The following PRKN variants were observed in gnomAD, a reference collection of about 807,000 sequenced individuals.
PRKN encodes the protein parkin RBR E3 ubiquitin protein ligase.
In PRKN, 56 loss-of-function variants were observed where a neutral mutation model predicts 59.5. That is an observed-to-expected ratio of 0.94 (90% CI 0.76 to 1.18). The LOEUF is 1.18. PRKN is among the 50% of genes most tolerant of loss of function. PRKN has a pLI of 0.00. For missense variants in PRKN, 657 were observed against 596.4 expected, an observed-to-expected ratio of 1.10 and a Z score of -1.06; for synonymous variants, 250 against 222.1, an observed-to-expected ratio of 1.13 and a Z score of -1.12.
intron 1 of PRKN, among the ~76,000 whole-genome samples, chr6:162,686,078 C>CTACA (rs1268810947): frequency 1.3e-5 from 2 of 151,976 alleles, no homozygotes; most frequent in East Asian, 3.9e-4. Flanking sequence ...GATGTGGTGG[C>CTACA]TACAGCAACA....
intron 6 of PRKN, among the ~76,000 whole-genome samples, chr6:161,972,490 C>T (rs748406878): frequency 1.6e-4 from 24 of 152,222 alleles, no homozygotes; most frequent in South Asian, 8.3e-4. Flanking sequence ...GCTCCTACAC[C>T]GCAATTCGTA....
Position 161,738,646 on chromosome 6 carries a change from T to C in PRKN, c.871+47126A>G, listed in dbSNP as rs138433474. Among the ~76,000 whole-genome samples, 3 of 152,190 alleles carry C rather than the reference T, an allele frequency of 2.0e-5. No individual in the cohort carries two copies. The East Asian group carries it at 5.8e-4, about 30-fold the overall frequency. ...GGTACCAAGTAGGGTAGATGACAAC[T>C]AGTGTGTGTGGTCACCAGGTGTAGA... is the stretch of plus-strand genomic sequence containing the variant. On this transcript the variant is annotated intron_variant, in intron 7 of 11. Transcript: ENST00000366898.
At chr6:161,993,902 C>T (rs996342771) in intron 5 of PRKN, among the ~76,000 whole-genome samples, 1 of 152,104 alleles carries the variant, frequency 6.6e-6, no homozygotes, top group African/African-American at 2.4e-5. Context: ...AGGTGCCAGG[C>T]TCTTTTTTAA....
intron 3 of PRKN, among the ~76,000 whole-genome samples, chr6:162,212,341 C>G (rs1254448371): frequency 6.6e-6 from 1 of 151,446 alleles, no homozygotes; most frequent in Non-Finnish European, 1.5e-5. Flanking sequence ...TCCCCACCCC[C>G]ACCTTCAACC....
At chr6:161,798,269 A>C (rs1198567956) in intron 6 of PRKN, among the ~76,000 whole-genome samples, 1 of 152,166 alleles carries the variant, frequency 6.6e-6, no homozygotes, top group African/African-American at 2.4e-5. Context: ...ACCCAAGATA[A>C]AGGAATTCAT....
intron 2 of PRKN, among the ~76,000 whole-genome samples, chr6:162,431,801 G>T (rs1251144957): frequency 6.6e-6 from 1 of 152,128 alleles, no homozygotes; most frequent in Non-Finnish European, 1.5e-5. Flanking sequence ...AACCCTAAAA[G>T]ATTATCAACA....
intron 1 of PRKN, among the ~76,000 whole-genome samples, chr6:162,476,636 G>C (rs1792031263): frequency 6.6e-6 from 1 of 152,138 alleles, no homozygotes; most frequent in Non-Finnish European, 1.5e-5. Flanking sequence ...AGCCCAATGG[G>C]TCAGAATGAT....
chr6:162,202,569 T>C (rs960650071), intron 3 of PRKN, among the ~76,000 whole-genome samples: 47 of 152,208 alleles, frequency 3.1e-4, no homozygotes, highest in Non-Finnish European at 4.6e-4. Flanking sequence ...GAAAGTACTA[T>C]TTTCTGACAC....
chr6:162,180,775 G>A lies in PRKN; in HGVS notation c.534+20356C>T, dbSNP rs532025557. ...AATTAGCTTTCAAGTTGGCTTTATG[G>A]GGCAAACAAGCAAGTGCGTTATACA... On this transcript the variant is annotated intron_variant, in intron 4 of 11. Transcript: ENST00000366898. 1.9e-4 allele frequency among the ~76,000 whole-genome samples: 29 copies of A among 152,236 alleles called. No homozygotes were observed. The South Asian group carries it at 5.0e-3, about 26-fold the overall frequency.
chr6:162,190,135 G>C (rs1423740659), intron 4 of PRKN, among the ~76,000 whole-genome samples: 1 of 152,128 alleles, frequency 6.6e-6, no homozygotes, highest in Non-Finnish European at 1.5e-5. Context: ...AGTGGACCAT[G>C]CCCAGTGCAT....
chr6:161,774,910 A>G (rs745518744), intron 7 of PRKN, among the ~76,000 whole-genome samples: 4 of 152,198 alleles, frequency 2.6e-5, no homozygotes, highest in Non-Finnish European at 5.9e-5. Context: ...TTTAATTTCA[A>G]TCAATTTGGA....
At chr6:162,466,905 T>C (rs1193268632) in intron 1 of PRKN, among the ~76,000 whole-genome samples, 1 of 152,148 alleles carries the variant, frequency 6.6e-6, no homozygotes, top group Non-Finnish European at 1.5e-5. Flanking sequence ...TTATATACAC[T>C]GGTTACCTCG....
At chr6:161,539,711 T>C (rs1382697683) in intron 9 of PRKN, among the ~76,000 whole-genome samples, 1 of 152,128 alleles carries the variant, frequency 6.6e-6, no homozygotes, top group Non-Finnish European at 1.5e-5. Context: ...AACTGAAAAG[T>C]AAAAGCTTCC....
At chr6:162,188,106 A>G (rs1257534578) in intron 4 of PRKN, among the ~76,000 whole-genome samples, 1 of 152,180 alleles carries the variant, frequency 6.6e-6, no homozygotes. Flanking sequence ...CATCCATGTA[A>G]GACATGACTT....
intron 1 of PRKN, among the ~76,000 whole-genome samples, chr6:162,468,050 T>C (rs759197118): frequency 2.0e-5 from 3 of 152,230 alleles, no homozygotes; most frequent in Non-Finnish European, 4.4e-5. Context: ...CCTTGTTTAC[T>C]GCTACCGTGG....
At chr6:161,610,288 C>T (rs954907668) in intron 7 of PRKN, among the ~76,000 whole-genome samples, 2 of 151,968 alleles carry the variant, frequency 1.3e-5, no homozygotes, top group African/African-American at 2.4e-5. Flanking sequence ...CTGGGATGTC[C>T]GCGAGCTGCT....
At chr6:161,650,439 C>T (rs990602833) in intron 7 of PRKN, among the ~76,000 whole-genome samples, 3 of 152,174 alleles carry the variant, frequency 2.0e-5, no homozygotes, top group Middle Eastern at 3.4e-3. Flanking sequence ...TCTCTACTCC[C>T]CAGCACTACA....
At chr6:161,619,200 G>A (rs2128149896) in intron 7 of PRKN, among the ~76,000 whole-genome samples, 1 of 146,922 alleles carries the variant, frequency 6.8e-6, no homozygotes, top group South Asian at 2.1e-4. Context: ...AGAATTTTTG[G>A]CAAGCCTGTA....
At chr6:161,638,701 T>C (rs1355287697) in intron 7 of PRKN, among the ~76,000 whole-genome samples, 2 of 151,968 alleles carry the variant, frequency 1.3e-5, no homozygotes, top group African/African-American at 2.4e-5. Context: ...ACCCTCATGC[T>C]GTTTTTGTAA....
Sources: gnomAD v4.1 joint callset for allele counts (sites outside exome capture counted in the v4.1 genomes callset) on GRCh38, gnomAD v4.1.1 for gene constraint, MANE v1.5 for transcripts, NCBI Gene and HGNC (gene_info 2026-07-23, HGNC 2026-07-21) for gene names.